DNM2: variants seen among roughly 807,000 people sequenced by gnomAD.
DNM2 encodes the protein dynamin-2.
In DNM2, 15 loss-of-function variants were observed where a neutral mutation model predicts 99.0. The ratio of observed to expected loss-of-function variants is 0.15; its 90% CI spans 0.10 to 0.23. DNM2 has a LOEUF of 0.23. DNM2 is among the 10% of genes least tolerant of loss of function. The probability of loss-of-function intolerance (pLI) is 1.00; values close to 1 mark genes in which losing one functional copy is unlikely to be tolerated. For missense variants in DNM2, 742 were observed against 1,189.4 expected (o/e 0.62, Z 5.53); for synonymous variants, 525 against 481.2 (o/e 1.09, Z -1.19).
chr19:10,732,357 T>C (rs1433390014), intron 1 of DNM2, among the ~76,000 whole-genome samples: 4 of 148,016 alleles, frequency 2.7e-5, no homozygotes, highest in Non-Finnish European at 4.5e-5. Context: ...TCCCAGCACT[T>C]TGGGAGGCCG....
At chr19:10,720,260 T>G (rs902286240) in intron 1 of DNM2, among the ~76,000 whole-genome samples, 2 of 151,388 alleles carry the variant, frequency 1.3e-5, no homozygotes, top group Admixed American at 6.6e-5. Context: ...TCATCCAGTC[T>G]GGAGTGCAGT....
rs916905470 is a variant in DNM2 at position 10,735,025 on chromosome 19, C to CT, written c.161+16629dup. Reference sequence around the variant, plus strand: ...TGAGGTGCCCCTCTCTTCTGTGAATCTTTTTTTGTTTGTTTGTTTTTTGTT... The same window carrying CT: ...TGAGGTGCCCCTCTCTTCTGTGAATCTTTTTTTTGTTTGTTTGTTTTTTGTT... On this transcript the variant is annotated intron_variant, in intron 1 of 20. Transcript: ENST00000389253. Among the ~76,000 whole-genome samples the CT allele has an allele frequency of 6.0e-4, 91 of 151,592 alleles. 2 individuals are homozygous for CT. The highest frequency in any genetic ancestry group is 2.2e-3 in the African/African-American group (90 of 41,328).
rs1454677739 is a variant in DNM2 at position 10,818,366 on chromosome 19, G to C, written c.1672-1614G>C. On this transcript the variant is annotated intron_variant, in intron 15 of 20. Coordinates refer to ENST00000389253, the MANE Select transcript of DNM2 (RefSeq NM_001005361.3). The surrounding 1 kb of genome is among the most constrained non-coding windows in gnomAD (Gnocchi z 4.3). ...GGAGCCGCTCACAAGAGCAACCAAA[G>C]AAAATCCCGGGTGCTCATGGGCACC... Among the ~76,000 whole-genome samples, 2 of 152,250 alleles carry C rather than the reference G, an allele frequency of 1.3e-5. No homozygotes were observed. The highest frequency in any genetic ancestry group is 2.9e-5 in the Non-Finnish European group (2 of 68,038).
chr19:10,731,821 C>T (rs754866669), intron 1 of DNM2, among the ~76,000 whole-genome samples: 37 of 152,222 alleles, frequency 2.4e-4, no homozygotes, highest in Admixed American at 1.1e-3. Flanking sequence ...GACGGAAGCC[C>T]GGCTTCTGTG....
Position 10,775,616 on chromosome 19 carries a change from C to A in DNM2, c.386-87C>A. On this transcript the variant is annotated intron_variant, in intron 3 of 20. Coordinates refer to ENST00000389253, the MANE Select transcript of DNM2 (RefSeq NM_001005361.3). The surrounding 1 kb of genome is among the most constrained non-coding windows in gnomAD (Gnocchi z 4.3). ...CTCAAGTCTGAGCCCCGCGCAGGAA[C>A]TTTGGTAGTCAGCTGGGTGGCTGCG... 1 of 1,490,354 alleles carries A rather than the reference C, an allele frequency of 6.7e-7. No homozygotes were observed. The highest frequency in any genetic ancestry group is 9.3e-7 in the Non-Finnish European group (1 of 1,069,688). The allele number at this position is 1,490,354 out of a possible 1,614,324, so 92.3% of individuals were successfully genotyped here. A position where few individuals can be genotyped will look rare whatever the true frequency, so the allele number is the denominator to read the frequency against.
Position 10,797,259 on chromosome 19 carries a change from C to T in DNM2, c.1197-121C>T. 5 of 1,420,880 alleles carry T rather than the reference C, an allele frequency of 3.5e-6. No homozygotes were observed. The South Asian group carries it at 6.1e-5, about 17-fold the overall frequency. The allele number at this position is 1,420,880 out of a possible 1,614,324, so 88.0% of individuals were successfully genotyped here. A position where few individuals can be genotyped will look rare whatever the true frequency, so the allele number is the denominator to read the frequency against. On this transcript the variant is annotated intron_variant, in intron 9 of 20. Transcript: ENST00000389253. ...GGGCAAATGCGGGCGCAGGCTCCCC[C>T]ATGCATGGACTAATCAGATGACTCT...
Position 10,739,844 on chromosome 19 carries a change from A to C in DNM2, c.162-19894A>C, listed in dbSNP as rs1035805075. On this transcript the variant is annotated intron_variant, in intron 1 of 20. Coordinates refer to ENST00000389253, the MANE Select transcript of DNM2 (RefSeq NM_001005361.3). ...GCACTCTAGCCTGGGCAACAGAGCA[A>C]GACTCTCTCTCTCTCTCAAAAAAAA... Among the ~76,000 whole-genome samples, 3 of 141,702 alleles carry C rather than the reference A, an allele frequency of 2.1e-5. No individual in the cohort carries two copies. The Admixed American group carries it at 2.1e-4, about 10-fold the overall frequency. 93.0% of individuals were successfully genotyped at this position (141,702 alleles called of 152,430 possible). A position where few individuals can be genotyped will look rare whatever the true frequency, so the allele number is the denominator to read the frequency against.
intron 1 of DNM2, among the ~76,000 whole-genome samples, chr19:10,740,813 T>C (rs1017489907): frequency 3.3e-5 from 5 of 152,260 alleles, no homozygotes; most frequent in South Asian, 4.1e-4. Flanking sequence ...ATTTCTCTTA[T>C]GATTTCTTCT....
At chr19:10,718,593 G>A in intron 1 of DNM2, 190 bp downstream of exon 1, 1 of 847,100 alleles carries the variant, frequency 1.2e-6, no homozygotes, top group Non-Finnish European at 1.5e-6. Flanking sequence ...GGGCTCCGGA[G>A]CAGGCCCGGG....
intron 1 of DNM2, among the ~76,000 whole-genome samples, chr19:10,747,668 G>A (rs1741536571): frequency 6.6e-6 from 1 of 152,214 alleles, no homozygotes; most frequent in South Asian, 2.1e-4. Flanking sequence ...TGTGTGTTGG[G>A]TACTGGGGAG....
intron 1 of DNM2, among the ~76,000 whole-genome samples, chr19:10,743,103 A>G (rs1000736808): frequency 6.6e-6 from 1 of 150,672 alleles, no homozygotes; most frequent in African/African-American, 2.4e-5. Context: ...GCGAGGTTTC[A>G]TCATGTTGCC....
At chr19:10,805,815 G>T in intron 12 of DNM2, 101 bp from the exon 13 acceptor site, 1 of 1,467,912 alleles carries the variant, frequency 6.8e-7, no homozygotes, top group Non-Finnish European at 9.5e-7. Flanking sequence ...ACCTGTGGCT[G>T]CTCACTTGGT....
At chr19:10,738,509 A>C (rs2069614844) in intron 1 of DNM2, among the ~76,000 whole-genome samples, 1 of 151,808 alleles carries the variant, frequency 6.6e-6, no homozygotes, top group Non-Finnish European at 1.5e-5. Context: ...GGGTGGGATG[A>C]GGACTGGCCA....
In DNM2 at chr19:10,759,789, G is replaced by T; in HGVS notation, c.213G>T (p.Leu71=). Residue 71 remains leucine, a synonymous_variant, in exon 2 of 21, where the codon CTG becomes CTT. Transcript: ENST00000389253. The part of the protein sequence containing the change: ...SGIVTRRPLI[L]QLIFSKTEHA... Reference sequence around the variant, plus strand: ...TCGTCACCCGGCGGCCTCTCATTCTGCAGCTCATCTTCTCAAAAACAGGTA... The same window carrying T: ...TCGTCACCCGGCGGCCTCTCATTCTTCAGCTCATCTTCTCAAAAACAGGTA... 6.2e-7 allele frequency: 1 copy of T among 1,614,084 alleles called. No individual in the cohort carries two copies. The highest frequency in any genetic ancestry group is 8.5e-7 in the Non-Finnish European group (1 of 1,180,022).
At chr19:10,821,245 G>A (rs2146165397) in intron 16 of DNM2, among the ~76,000 whole-genome samples, 1 of 152,292 alleles carries the variant, frequency 6.6e-6, no homozygotes, top group Admixed American at 6.5e-5. Flanking sequence ...CTGGCCATAT[G>A]ACACCTGGCA....
chr19:10,749,086 G>A (rs2070101415), intron 1 of DNM2, among the ~76,000 whole-genome samples: 1 of 152,200 alleles, frequency 6.6e-6, no homozygotes, highest in Admixed American at 6.5e-5. Flanking sequence ...GCCAGGCCCT[G>A]CCAGCACCAG....
chr19:10,784,051 G>C (rs964716689), intron 6 of DNM2, among the ~76,000 whole-genome samples: 4 of 152,104 alleles, frequency 2.6e-5, no homozygotes, highest in African/African-American at 9.7e-5. Flanking sequence ...AAACAGAAAT[G>C]GTATTAAAAG....
intron 16 of DNM2, chr19:10,823,418 T>A (rs77581414): frequency 0.066 from 9,910 of 149,944 alleles, 604 homozygotes; most frequent in East Asian, 0.36. Context: ...AAAAAAAAAA[T>A]AAATAATAAT....
At chr19:10,733,627 C>T (rs961132520) in intron 1 of DNM2, among the ~76,000 whole-genome samples, 4 of 152,196 alleles carry the variant, frequency 2.6e-5, no homozygotes, top group East Asian at 3.8e-4. Flanking sequence ...AGAAATTAAC[C>T]TAGCTACTCA....
Sources: allele counts gnomAD v4.1 joint callset (sites outside exome capture counted in the v4.1 genomes callset), GRCh38; gene constraint gnomAD v4.1.1; non-coding constraint Gnocchi (gnomAD v3.1); transcripts MANE v1.5; gene names NCBI Gene and HGNC (gene_info 2026-07-23, HGNC 2026-07-21).